BCAR3: variants seen among roughly 807,000 people sequenced by gnomAD.
BCAR3 encodes the protein breast cancer anti-estrogen resistance protein 3.
In BCAR3, 37 loss-of-function variants were observed where a neutral mutation model predicts 80.1. That is an observed-to-expected ratio of 0.46 (90% CI 0.36 to 0.61). The LOEUF (loss-of-function observed/expected upper bound fraction) is 0.61. Among genes scored for constraint, BCAR3 ranks in the 20% least tolerant of loss-of-function variants. The pLI, the probability that BCAR3 is intolerant of heterozygous loss-of-function variation, is 0.00. For missense variants in BCAR3, 978 were observed against 1,068.2 expected (o/e 0.92, Z 1.18); for synonymous variants, 389 against 418.9 (o/e 0.93, Z 0.87).
At chr1:93,740,695 G>A (rs1314821320) in intron 2 of BCAR3, among the ~76,000 whole-genome samples, 1 of 152,096 alleles carries the variant, frequency 6.6e-6, no homozygotes, top group Non-Finnish European at 1.5e-5. Flanking sequence ...TCGCTCAGCG[G>A]AGCAGAGGTC....
At chr1:93,660,525 C>T (rs892500070) in intron 2 of BCAR3, among the ~76,000 whole-genome samples, 15 of 152,266 alleles carry the variant, frequency 9.9e-5, no homozygotes, top group Admixed American at 2.0e-4. Flanking sequence ...AAATGGGACA[C>T]GCCTGGTGAG....
intron 11 of BCAR3, among the ~76,000 whole-genome samples, chr1:93,562,833 T>TTC (rs931364427): frequency 2.7e-5 from 4 of 150,880 alleles, no homozygotes; most frequent in African/African-American, 9.7e-5. Flanking sequence ...AATGAACATC[T>TTC]TCTCTCTCTC....
chr1:93,800,151 ATTGT>A (rs1291594525), intron 2 of BCAR3, among the ~76,000 whole-genome samples: 3 of 152,090 alleles, frequency 2.0e-5, no homozygotes, highest in Non-Finnish European at 4.4e-5. Flanking sequence ...GCTTCCTGTT[ATTGT>A]TTAATATTTG....
At chr1:93,825,595 T>C (rs1212549193) in intron 2 of BCAR3, among the ~76,000 whole-genome samples, 1 of 107,716 alleles carries the variant, frequency 9.3e-6, no homozygotes, top group African/African-American at 2.8e-5. Context: ...CCCCTTGCCA[T>C]GGAGATTCCA....
chr1:93,565,904 T>G (rs1405163080), intron 11 of BCAR3, among the ~76,000 whole-genome samples: 1 of 152,176 alleles, frequency 6.6e-6, no homozygotes. Flanking sequence ...TTTAAAAAAT[T>G]ATATAGTAAT....
intron 2 of BCAR3, among the ~76,000 whole-genome samples, chr1:93,830,339 T>C (rs1368381837): frequency 6.6e-6 from 1 of 152,076 alleles, no homozygotes; most frequent in Admixed American, 6.5e-5. Context: ...CACACGTCTG[T>C]CAGGACTCTG....
chr1:93,563,424 T>A (rs1403719018), intron 11 of BCAR3, among the ~76,000 whole-genome samples: 28 of 152,230 alleles, frequency 1.8e-4, no homozygotes, highest in Admixed American at 1.8e-3. Context: ...TGCCATTGTT[T>A]TTGTTTATCC....
At chr1:93,565,310 C>T (rs533174249) in intron 11 of BCAR3, among the ~76,000 whole-genome samples, 145 of 152,260 alleles carry the variant, frequency 9.5e-4, no homozygotes, top group African/African-American at 3.3e-3. Context: ...AGGTGATCTG[C>T]CTACCTCAGC....
intron 3 of BCAR3, among the ~76,000 whole-genome samples, chr1:93,688,549 G>A (rs1395246111): frequency 6.6e-6 from 1 of 151,838 alleles, no homozygotes; most frequent in African/African-American, 2.4e-5. Flanking sequence ...CTTACAGTAA[G>A]CGTGTGTGTG....
chr1:93,642,263 T>C, intron 3 of BCAR3, 41 bp downstream of exon 3: 1 of 1,600,260 alleles, frequency 6.2e-7, no homozygotes, highest in South Asian at 1.1e-5. Context: ...GGAAATCTAC[T>C]ACCCAGGGTC....
At chr1:93,608,065 T>C (rs1674832944) in intron 3 of BCAR3, among the ~76,000 whole-genome samples, 1 of 152,218 alleles carries the variant, frequency 6.6e-6, no homozygotes, top group African/African-American at 2.4e-5. Context: ...AATCCAGATT[T>C]TACTCATCAG....
chr1:93,696,231 G>A (rs1294442768), intron 3 of BCAR3, among the ~76,000 whole-genome samples: 1 of 152,044 alleles, frequency 6.6e-6, no homozygotes, highest in African/African-American at 2.4e-5. Flanking sequence ...CATCCAAATG[G>A]TTTGCTAAAT....
chr1:93,653,122 G>A (rs968509173), intron 2 of BCAR3, among the ~76,000 whole-genome samples: 1 of 152,180 alleles, frequency 6.6e-6, no homozygotes, highest in Non-Finnish European at 1.5e-5. Context: ...ATACAGATAG[G>A]GAAGGAAGGT....
At position 93,732,535 on chromosome 1, in the gene BCAR3, C is replaced by A. The variant is rs563416626; in HGVS notation, c.-62-26393G>T. Among the ~76,000 whole-genome samples the A allele has an allele frequency of 5.3e-5, 8 of 151,980 alleles. No individual in the cohort carries two copies. In the South Asian group the frequency reaches 1.5e-3, roughly 28 times the overall value. Reference sequence around the variant, plus strand: ...AGAAGGCTGAGGTACAAGCATCACTCGAACCTGGGAGGCAGAGGTTGCAGT... The same window carrying A: ...AGAAGGCTGAGGTACAAGCATCACTAGAACCTGGGAGGCAGAGGTTGCAGT... On this transcript the variant is annotated intron_variant, in intron 2 of 13. Coordinates refer to the BCAR3 transcript ENST00000370244.
intron 11 of BCAR3, among the ~76,000 whole-genome samples, chr1:93,564,466 C>T (rs1034741467): frequency 3.3e-5 from 5 of 151,730 alleles, no homozygotes; most frequent in East Asian, 3.9e-4. Flanking sequence ...TTAGTAGAGA[C>T]GGGGTTTCTC....
Position 93,674,859 on chromosome 1 carries a change from G to A in BCAR3, c.72C>T (p.Ser24=). 1.3e-6 allele frequency: 2 copies of A among 1,598,228 alleles called. No homozygotes were observed. The highest frequency in any genetic ancestry group is 1.7e-6 in the Non-Finnish European group (2 of 1,174,966). ...PVNHQFPLAS[S]MDLLSSRSPL... is the part of the protein sequence containing the mutation. The stretch of plus-strand genomic sequence containing the variant: ...GGGACCTGCTGCTCAGAAGGTCCAT[G>A]GATGAGGCCAGGGGGAACTGGTGAT... The change falls in exon 2 of 12, where the codon TCC becomes TCT. Residue 24 remains serine (S), a synonymous_variant. Transcript: ENST00000260502.
At chr1:93,585,958 G>A (rs1226797330) in intron 5 of BCAR3, among the ~76,000 whole-genome samples, 1 of 152,064 alleles carries the variant, frequency 6.6e-6, no homozygotes, top group Non-Finnish European at 1.5e-5. Context: ...ATATTTATGG[G>A]GTACATGAGA....
chr1:93,836,073 A>G (rs1228764860), intron 2 of BCAR3, among the ~76,000 whole-genome samples: 1 of 152,144 alleles, frequency 6.6e-6, no homozygotes, highest in Non-Finnish European at 1.5e-5. Flanking sequence ...TTAAAGACAC[A>G]CCTCACCAAG....
chr1:93,589,084 C>T lies in BCAR3; in HGVS notation c.822G>A (p.Arg274=), dbSNP rs1674064297. The change falls in exon 5 of 12, where the codon CGG becomes CGA. Residue 274 remains arginine (R), a synonymous_variant. Coordinates refer to ENST00000260502, the MANE Select transcript of BCAR3 (RefSeq NM_003567.4). ...EHYGTSPGQA[R]EGSLTKGRPD... ...GCCTTCCCTTGGTGAGGCTGCCCTCCCGGGCCTGGCCTGGGGAGGTGCCAT... is the reference window on the plus strand; with the variant it reads ...GCCTTCCCTTGGTGAGGCTGCCCTCTCGGGCCTGGCCTGGGGAGGTGCCAT... The T allele has an allele frequency of 6.2e-7, 1 of 1,612,530 alleles. No homozygotes were observed. Among genetic ancestry groups the T allele is most frequent in the East Asian group, 2.2e-5 (1 of 44,834 alleles).
Sources: gnomAD v4.1 joint callset for allele counts (sites outside exome capture counted in the v4.1 genomes callset) on GRCh38, gnomAD v4.1.1 for gene constraint, MANE v1.5 for transcripts, NCBI Gene and HGNC (gene_info 2026-07-23, HGNC 2026-07-21) for gene names.